PLAAT3: variants seen among roughly 807,000 people sequenced by gnomAD.
The protein encoded by PLAAT3 is phospholipase A and acyltransferase 3.
PLAAT3 carries 21 observed loss-of-function variants against 16.7 expected under a neutral mutation model. The ratio of observed to expected loss-of-function variants is 1.26; its 90% CI spans 0.89 to 1.81. The LOEUF (loss-of-function observed/expected upper bound fraction) is 1.81. PLAAT3 is among the 40% of genes most tolerant of loss of function. The pLI is 0.00. For synonymous variants in PLAAT3, 76 were observed against 81.7 expected, an observed-to-expected ratio of 0.93 and a Z score of 0.38; for missense variants, 219 against 213.7, an observed-to-expected ratio of 1.02 and a Z score of -0.16.
At chr11:63,576,143 A>G (rs2134387050) in intron 4 of PLAAT3, among the ~76,000 whole-genome samples, 1 of 152,234 alleles carries the variant, frequency 6.6e-6, no homozygotes, top group East Asian at 1.9e-4. Flanking sequence ...TCTGGCCCAA[A>G]TGCAAACAAC....
At chr11:63,615,017 A>AAAATATATATATATATATATAT (rs1555047744), upstream of PLAAT3, among the ~76,000 whole-genome samples, 1 of 17,492 alleles carries the variant, frequency 5.7e-5, no homozygotes, top group African/African-American at 7.9e-5. Flanking sequence ...TCAGTCTCAA[A>AAAATATATATATATATATATAT]ATATATATAT....
intron 4 of PLAAT3, among the ~76,000 whole-genome samples, chr11:63,589,354 A>G (rs1938072937): frequency 7.2e-6 from 1 of 139,454 alleles, no homozygotes; most frequent in African/African-American, 2.7e-5. Flanking sequence ...AAAAATATGT[A>G]TTCTTTTGCA....
At chr11:63,599,245 T>C (rs983593260) in intron 2 of PLAAT3, among the ~76,000 whole-genome samples, 1 of 152,232 alleles carries the variant, frequency 6.6e-6, no homozygotes, top group Non-Finnish European at 1.5e-5. Context: ...CATCCTTTGC[T>C]GGAGTCTTCA....
chr11:63,592,791 C>T (rs538629510), intron 3 of PLAAT3, among the ~76,000 whole-genome samples: 3 of 152,310 alleles, frequency 2.0e-5, no homozygotes, highest in African/African-American at 7.2e-5. Flanking sequence ...GGCCAGAAAA[C>T]ATGCTTTCAC....
rs987777690 is a variant in PLAAT3, at chr11:63,574,610, G to A, written c.*335C>T. On this transcript the variant is annotated 3_prime_UTR_variant, in exon 5 of 5. Transcript: ENST00000415826. ...TGTCTTTCTGTCTCCCTTCCGCCCC[G>A]CATGTATCCTGACGACCAGAAACGC... 1.3e-5 allele frequency: 3 copies of A among 226,170 alleles called. No individual in the cohort carries two copies. The highest frequency in any genetic ancestry group is 2.6e-5 in the Non-Finnish European group (3 of 114,828). The allele number at this position is 226,170 out of a possible 1,614,324, so 14.0% of individuals were successfully genotyped here.
intron 4 of PLAAT3, among the ~76,000 whole-genome samples, chr11:63,578,961 C>T (rs1037200223): frequency 2.6e-5 from 4 of 151,792 alleles, no homozygotes; most frequent in African/African-American, 9.7e-5. Flanking sequence ...GAAAATTTTT[C>T]CAATCTACTC....
intron 2 of PLAAT3, among the ~76,000 whole-genome samples, chr11:63,598,454 T>C (rs536950873): frequency 1.3e-5 from 2 of 152,384 alleles, no homozygotes; most frequent in South Asian, 4.1e-4. Flanking sequence ...TATTATTTAT[T>C]GAACTCTTAC....
intron 4 of PLAAT3, among the ~76,000 whole-genome samples, chr11:63,589,409 CAAAGAAAAAAA>C (rs1322027128): frequency 1.0e-3 from 31 of 30,750 alleles, no homozygotes; most frequent in Admixed American, 3.5e-3. Flanking sequence ...TTCACCTATG[CAAAGAAAAAAA>C]AAAAAAAAAA....
chr11:63,590,207 G>A lies in PLAAT3; in HGVS notation c.280C>T (p.Gln94Ter). The part of the protein sequence containing the change: ...YSPLPCSKII[Q>*]RAEELVGQEV... ...TGCCCCACCAGCTCCTCCGCCCGCT[G>A]GATGATTTTGCTGCAGGGCAGCGGC... The change falls in exon 4 of 5, where the codon CAG becomes TAG. Residue 94 changes from glutamine to a stop codon, truncating the protein, a stop_gained. Transcript: ENST00000415826. LOFTEE classifies it high-confidence loss of function. 1 of 1,614,210 alleles carries A rather than the reference G, an allele frequency of 6.2e-7. No homozygotes were observed. The highest frequency in any genetic ancestry group is 2.2e-5 in the East Asian group (1 of 44,892).
At chr11:63,575,629 A>C (rs1224243406) in intron 4 of PLAAT3, among the ~76,000 whole-genome samples, 1 of 152,230 alleles carries the variant, frequency 6.6e-6, no homozygotes, top group Non-Finnish European at 1.5e-5. Context: ...GTAGGAAAAA[A>C]AGTGTTTCAA....
chr11:63,597,381 A>G (rs919104830), intron 3 of PLAAT3, among the ~76,000 whole-genome samples: 1 of 151,710 alleles, frequency 6.6e-6, no homozygotes, highest in Non-Finnish European at 1.5e-5. Flanking sequence ...AAAATTAGCC[A>G]GGTGTGGTGG....
chr11:63,587,654 A>G (rs1377308622), intron 4 of PLAAT3, among the ~76,000 whole-genome samples: 1 of 150,738 alleles, frequency 6.6e-6, no homozygotes, highest in Non-Finnish European at 1.5e-5. Context: ...TCCTGGGTCC[A>G]AGCAATTCTC....
intron 2 of PLAAT3, among the ~76,000 whole-genome samples, chr11:63,613,462 T>C (rs889451282): frequency 6.6e-6 from 1 of 152,150 alleles, no homozygotes; most frequent in South Asian, 2.1e-4. Context: ...ACCTTCACTC[T>C]GGGAAACAGT....
intron 3 of PLAAT3, among the ~76,000 whole-genome samples, chr11:63,596,016 C>T (rs770797625): frequency 4.6e-5 from 7 of 151,886 alleles, no homozygotes; most frequent in African/African-American, 7.2e-5. Context: ...CCAAGGAAGG[C>T]GGATCACGAG....
At chr11:63,610,821 A>T (rs951261637) in intron 2 of PLAAT3, among the ~76,000 whole-genome samples, 1 of 152,146 alleles carries the variant, frequency 6.6e-6, no homozygotes, top group Non-Finnish European at 1.5e-5. Flanking sequence ...AGGATGGCGC[A>T]GGTGGAGGAG....
chr11:63,615,326 GTA>G (rs1404697421), upstream of PLAAT3, among the ~76,000 whole-genome samples: 17 of 10,240 alleles, frequency 1.7e-3, 4 homozygotes, highest in East Asian at 0.012. Context: ...ATATATGTGT[GTA>G]TATATGTGTG....
rs1229373657 is a variant in PLAAT3 at position 63,598,057 on chromosome 11, T to C, written c.118+4A>G. The C allele has an allele frequency of 3.7e-6, 6 of 1,600,408 alleles. No individual in the cohort carries two copies. The highest frequency in any genetic ancestry group is 5.1e-6 in the Non-Finnish European group (6 of 1,167,572). ...ATCACAGTGGAGGTCCCATGTGTTC[T>C]TACTTGGAGGGGCCAGATGAACCAC... On this transcript the variant is annotated splice_donor_region_variant and intron_variant, in intron 3 of 4. Transcript: ENST00000415826.
chr11:63,587,482 A>C (rs1229117824), intron 4 of PLAAT3, among the ~76,000 whole-genome samples: 1 of 151,966 alleles, frequency 6.6e-6, no homozygotes, highest in East Asian at 1.9e-4. Context: ...CAAATGATTA[A>C]TCAAATGTGA....
chr11:63,601,586 G>A (rs1275595771), intron 2 of PLAAT3, among the ~76,000 whole-genome samples: 9 of 152,042 alleles, frequency 5.9e-5, no homozygotes, highest in Non-Finnish European at 1.0e-4. Context: ...TAGGAGCAAG[G>A]GTTTGATGGT....
Sources: allele counts gnomAD v4.1 joint callset (sites outside exome capture counted in the v4.1 genomes callset), GRCh38; gene constraint gnomAD v4.1.1; transcripts MANE v1.5; gene names NCBI Gene and HGNC (gene_info 2026-07-23, HGNC 2026-07-21).